The following MED13 variants were observed in gnomAD, a reference collection of about 807,000 sequenced individuals.
The protein encoded by MED13 is mediator of RNA polymerase II transcription subunit 13.
MED13 carries 23 observed loss-of-function variants against 225.2 expected under a neutral mutation model. The ratio of observed to expected loss-of-function variants is 0.10; its 90% CI spans 0.07 to 0.14. The LOEUF (loss-of-function observed/expected upper bound fraction) is 0.14. Ranked by LOEUF, MED13 falls within the 10% of genes least tolerant of loss-of-function variation. MED13 has a pLI of 1.00. For synonymous variants in MED13, 942 were observed against 889.2 expected, an observed-to-expected ratio of 1.06 and a Z score of -1.06; for missense variants, 2,197 against 2,594.5, an observed-to-expected ratio of 0.85 and a Z score of 3.33.
Position 61,972,472 on chromosome 17 carries a change from T to C in MED13, c.3967+255A>G, listed in dbSNP as rs2080118368. ...TCTAAGCAGTATGTCCCTTTCTTCA[T>C]GTAAAATCTTGAGGGAAAGCCCCCT... is the stretch of plus-strand genomic sequence containing the variant. On this transcript the variant is annotated intron_variant, in intron 17 of 29. Coordinates refer to ENST00000397786, the MANE Select transcript of MED13 (RefSeq NM_005121.3). 2.6e-5 allele frequency among the ~76,000 whole-genome samples: 4 copies of C among 152,140 alleles called. No homozygotes were observed. In the South Asian group the frequency reaches 8.3e-4, roughly 32 times the overall value.
At chr17:62,053,159 A>G (rs900722389) in intron 2 of MED13, among the ~76,000 whole-genome samples, 1 of 152,208 alleles carries the variant, frequency 6.6e-6, no homozygotes, top group African/African-American at 2.4e-5. Context: ...TTTCATGTCC[A>G]TCAGCATTCT....
At chr17:61,969,570 G>A (rs751140624) in intron 17 of MED13, among the ~76,000 whole-genome samples, 13 of 151,854 alleles carry the variant, frequency 8.6e-5, no homozygotes, top group African/African-American at 1.5e-4. Flanking sequence ...TACTAAGAGC[G>A]CAGATCTCAT....
At chr17:62,050,436 G>A (rs1185013171) in intron 3 of MED13, among the ~76,000 whole-genome samples, 1 of 151,706 alleles carries the variant, frequency 6.6e-6, no homozygotes, top group Non-Finnish European at 1.5e-5. Context: ...TGAGTCGGGG[G>A]AAGTAAGATA....
intron 9 of MED13, among the ~76,000 whole-genome samples, chr17:61,996,399 C>T (rs1457096713): frequency 2.6e-5 from 4 of 152,174 alleles, no homozygotes; most frequent in Non-Finnish European, 5.9e-5. Flanking sequence ...TGGCCAGAAT[C>T]TTGCAATGAC....
chr17:61,957,229 CAG>C (rs898337133), intron 23 of MED13, among the ~76,000 whole-genome samples: 13 of 151,588 alleles, frequency 8.6e-5, no homozygotes, highest in African/African-American at 2.2e-4. Context: ...GTATTTTTAG[CAG>C]AGAGGGGGTT....
chr17:62,024,815 T>C (rs926948387), intron 8 of MED13, among the ~76,000 whole-genome samples: 1 of 152,200 alleles, frequency 6.6e-6, no homozygotes, highest in Non-Finnish European at 1.5e-5. Context: ...ATTAGTTTGC[T>C]AAGGAAAATG....
intron 14 of MED13, 67 bp from the exon 15 acceptor site, chr17:61,984,434 A>C: frequency 1.6e-6 from 2 of 1,213,178 alleles, no homozygotes; most frequent in Non-Finnish European, 1.1e-6. Context: ...ATAAACAAAC[A>C]GGCTCTGGAC....
At chr17:61,954,495 G>T (rs1206599181) in intron 26 of MED13, among the ~76,000 whole-genome samples, 1 of 152,158 alleles carries the variant, frequency 6.6e-6, no homozygotes, top group Non-Finnish European at 1.5e-5. Flanking sequence ...AAGTAAAGAT[G>T]GCTGGGCATG....
chr17:62,021,703 A>G (rs925159882), intron 8 of MED13, among the ~76,000 whole-genome samples: 1 of 152,242 alleles, frequency 6.6e-6, no homozygotes, highest in Non-Finnish European at 1.5e-5. Flanking sequence ...GATCAGTGAA[A>G]TCACAAGAAA....
chr17:62,041,604 C>CCTTG (rs1336876028), intron 3 of MED13, among the ~76,000 whole-genome samples: 1 of 151,768 alleles, frequency 6.6e-6, no homozygotes, highest in Non-Finnish European at 1.5e-5. Flanking sequence ...TGAGACAGGG[C>CCTTG]CTTGCTCTGT....
At chr17:61,952,410 A>C (rs1202378969) in intron 27 of MED13, among the ~76,000 whole-genome samples, 1 of 152,156 alleles carries the variant, frequency 6.6e-6, no homozygotes, top group Non-Finnish European at 1.5e-5. Flanking sequence ...AGTTATATAT[A>C]GTGATTCTGA....
rs12600727 is a variant in MED13, at chr17:62,024,655, T to C, written c.1283+4886A>G. Among the ~76,000 whole-genome samples the C allele has an allele frequency of 0.012, 1,796 of 152,270 alleles. 97 individuals carry two copies. In the East Asian group the frequency reaches 0.16, roughly 14 times the overall value. ...CATCACACAGGTATTAAAGGACTAG[T>C]ATCCAATAGTTATTTTTTCTGCTCC... On this transcript the variant is annotated intron_variant, in intron 8 of 29. Coordinates refer to ENST00000397786, the MANE Select transcript of MED13 (RefSeq NM_005121.3).
At chr17:61,949,874 G>A (rs998948675) in intron 28 of MED13, among the ~76,000 whole-genome samples, 8 of 151,896 alleles carry the variant, frequency 5.3e-5, no homozygotes, top group Admixed American at 1.3e-4. Flanking sequence ...TAGTAGAAAC[G>A]GGGTCTCACC....
chr17:61,970,802 A>G (rs1273347394), intron 17 of MED13, among the ~76,000 whole-genome samples: 1 of 143,960 alleles, frequency 6.9e-6, no homozygotes, highest in Non-Finnish European at 1.5e-5. Flanking sequence ...AGTTGGGCAG[A>G]TCACTAGGGC....
At chr17:62,024,345 A>T (rs2080679144) in intron 8 of MED13, among the ~76,000 whole-genome samples, 1 of 152,220 alleles carries the variant, frequency 6.6e-6, no homozygotes, top group Non-Finnish European at 1.5e-5. Context: ...TAAAAATAAA[A>T]GTTCAGCTTA....
chr17:62,046,377 G>C (rs928075488), intron 3 of MED13, among the ~76,000 whole-genome samples: 80 of 152,300 alleles, frequency 5.3e-4, no homozygotes, highest in African/African-American at 1.8e-3. Context: ...TATGGTTCAA[G>C]AGTAACTCGA....
intron 17 of MED13, among the ~76,000 whole-genome samples, chr17:61,972,397 A>G (rs2080117625): frequency 6.6e-6 from 1 of 152,124 alleles, no homozygotes; most frequent in South Asian, 2.1e-4. Context: ...TTTTCATTTA[A>G]TTTTGTAAAA....
chr17:62,043,156 CAAAAAAAAAAAAAAAAAAAAA>C (rs764530614), intron 3 of MED13, among the ~76,000 whole-genome samples: 14 of 31,674 alleles, frequency 4.4e-4, no homozygotes, highest in African/African-American at 1.5e-3. Flanking sequence ...ACCCTGTCTC[CAAAAAAAAAAAAAAAAAAAAA>C]AAAAAAAGAA....
At chr17:62,013,502 C>T (rs1170931654) in intron 8 of MED13, among the ~76,000 whole-genome samples, 1 of 151,258 alleles carries the variant, frequency 6.6e-6, no homozygotes, top group African/African-American at 2.4e-5. Context: ...TATATACACT[C>T]GGCAAGCAAG....
Sources: allele counts gnomAD v4.1 joint callset (sites outside exome capture counted in the v4.1 genomes callset), GRCh38; gene constraint gnomAD v4.1.1; transcripts MANE v1.5; gene names NCBI Gene and HGNC (gene_info 2026-07-23, HGNC 2026-07-21).